The following FN1 variants were observed in gnomAD, a reference collection of about 807,000 sequenced individuals.
FN1 encodes the protein fibronectin 1, also known as fibronectin.
FN1 carries 106 observed loss-of-function variants against 297.3 expected under a neutral mutation model. That is an observed-to-expected ratio of 0.36 (90% CI 0.30 to 0.42). FN1 has a LOEUF of 0.42. Ranked by LOEUF, FN1 falls within the 10% of genes least tolerant of loss-of-function variation. The pLI is 1.00. For missense variants in FN1, 2,690 were observed against 3,124.9 expected (o/e 0.86, Z 3.32); for synonymous variants, 1,149 against 1,152.6 (o/e 1.00, Z 0.06).
chr2:215,379,502 G>A, intron 33 of FN1, 185 bp from the exon 34 acceptor site: 1 of 597,858 alleles, frequency 1.7e-6, no homozygotes, highest in Non-Finnish European at 3.0e-6. Flanking sequence ...TGTTTGCTGA[G>A]AAATGTGTTT....
At chr2:215,409,121 A>C (rs1418161841) in intron 15 of FN1, among the ~76,000 whole-genome samples, 1 of 152,114 alleles carries the variant, frequency 6.6e-6, no homozygotes, top group African/African-American at 2.4e-5. Context: ...TGGTGTGTTC[A>C]CTTTATAAGA....
intron 27 of FN1, 152 bp downstream of exon 27, chr2:215,388,060 T>G (rs1049111873): frequency 4.7e-5 from 32 of 684,508 alleles, no homozygotes; most frequent in Admixed American, 3.3e-4. Flanking sequence ...TTTTAGTTTT[T>G]GAGACCAGCG....
At chr2:215,361,858 G>GTT in intron 45 of FN1, 111 bp downstream of exon 45, 1 of 1,383,602 alleles carries the variant, frequency 7.2e-7, no homozygotes, top group Non-Finnish European at 9.9e-7. Flanking sequence ...TCATTTATGA[G>GTT]TTGTTTTTTT....
intron 13 of FN1, among the ~76,000 whole-genome samples, chr2:215,411,741 A>G (rs920804349): frequency 8.2e-5 from 12 of 146,558 alleles, no homozygotes; most frequent in African/African-American, 3.1e-4. Context: ...ATCCTGGCTC[A>G]CTGCAACCTC....
chr2:215,418,009 T>C (rs995988541), intron 12 of FN1, among the ~76,000 whole-genome samples: 2 of 152,202 alleles, frequency 1.3e-5, no homozygotes, highest in Non-Finnish European at 2.9e-5. Flanking sequence ...ATTTGCATCA[T>C]ATAAACAAAC....
chr2:215,432,544 G>T (rs1216106531), intron 3 of FN1, among the ~76,000 whole-genome samples: 1 of 152,234 alleles, frequency 6.6e-6, no homozygotes, highest in African/African-American at 2.4e-5. Context: ...TGTGAACTTG[G>T]ATAAACCCTA....
At position 215,420,750 on chromosome 2, in the gene FN1, T is replaced by C; in HGVS notation, c.1598A>G (p.Lys533Arg). ...CAGCATGTGCCCCTCTTCATGACGC[T>C]TGTGGAATGTGTCGTTCACATTGTA... is the stretch of plus-strand genomic sequence containing the variant. ...ITYNVNDTFHKRHEEGHMLNC... is the reference protein window; with the variant it reads ...ITYNVNDTFHRRHEEGHMLNC... The change falls in exon 11 of 46, where the codon AAG becomes AGG. Residue 533 changes from lysine to arginine, a missense_variant. Around this residue, in one of 3 missense-constraint regions of FN1, gnomAD observed 876 missense variants for 1,058.1 expected, o/e 0.83. Coordinates refer to ENST00000354785, the MANE Select transcript of FN1 (RefSeq NM_212482.4). 2 of 1,614,144 alleles carry C rather than the reference T, an allele frequency of 1.2e-6. No individual in the cohort carries two copies. The highest frequency in any genetic ancestry group is 8.5e-7 in the Non-Finnish European group (1 of 1,179,966).
intron 39 of FN1, 156 bp from the exon 40 acceptor site, chr2:215,372,531 CAGAA>C: frequency 1.5e-6 from 1 of 671,546 alleles, no homozygotes; most frequent in African/African-American, 1.8e-5. Context: ...ACACTTTTTC[CAGAA>C]AGAAATCTTT....
At position 215,372,004 on chromosome 2, in the gene FN1, G is replaced by C; in HGVS notation, c.6619C>G (p.Leu2207Val). Residue 2207 changes from leucine to valine, a missense_variant, in exon 40 of 46, where the codon CTC becomes GTC. This residue lies in a region of FN1 where 1,743 missense variants were observed against 1,945.2 expected (regional missense o/e 0.90). Coordinates refer to ENST00000354785, the MANE Select transcript of FN1 (RefSeq NM_212482.4). ...NPNASTGQEA[L>V]SQTTISWAPF... The stretch of plus-strand genomic sequence containing the variant: ...GCCCATGAGATGGTTGTCTGAGAGA[G>C]AGCTTCTTGTCCTGTAGAGGCATTT... The C allele has an allele frequency of 2.5e-6, 4 of 1,614,220 alleles. No individual in the cohort carries two copies. The highest frequency in any genetic ancestry group is 3.4e-6 in the Non-Finnish European group (4 of 1,180,026).
At chr2:215,370,049 C>T (rs1437184651) in intron 41 of FN1, among the ~76,000 whole-genome samples, 4 of 152,138 alleles carry the variant, frequency 2.6e-5, no homozygotes, top group Non-Finnish European at 5.9e-5. Context: ...CCTTCCAGAT[C>T]TATAATCATA....
At chr2:215,393,577 T>G (rs1224596563) in intron 24 of FN1, 1 of 152,414 alleles carries the variant, frequency 6.6e-6, no homozygotes. Flanking sequence ...GTATCAGCAA[T>G]GCTTTTAATA....
chr2:215,420,352 CAA>C (rs1289802393), intron 11 of FN1, among the ~76,000 whole-genome samples: 7 of 138,396 alleles, frequency 5.1e-5, no homozygotes, highest in South Asian at 2.3e-4. Context: ...AAAACAAAAA[CAA>C]AAACAAAAAC....
chr2:215,364,167 A>G (rs1404105594), intron 44 of FN1, among the ~76,000 whole-genome samples: 1 of 152,212 alleles, frequency 6.6e-6, no homozygotes, highest in African/African-American at 2.4e-5. Context: ...ATCTTCAACT[A>G]TATCATTAAG....
intron 7 of FN1, among the ~76,000 whole-genome samples, chr2:215,424,706 A>G (rs1324260273): frequency 6.6e-6 from 1 of 152,188 alleles, no homozygotes; most frequent in Non-Finnish European, 1.5e-5. Flanking sequence ...ATTGTGTAGC[A>G]ATTGTTATTG....
intron 13 of FN1, among the ~76,000 whole-genome samples, chr2:215,413,480 T>G (rs1248448382): frequency 6.6e-6 from 1 of 152,230 alleles, no homozygotes; most frequent in African/African-American, 2.4e-5. Context: ...AACTGCATTA[T>G]TTGCCCCTGT....
At chr2:215,379,675 G>T in intron 33 of FN1, 1 of 243,584 alleles carries the variant, frequency 4.1e-6, no homozygotes. Flanking sequence ...ATAAGCAATG[G>T]CCCTTTTTCT....
chr2:215,427,117 C>T (rs62181365), intron 6 of FN1, among the ~76,000 whole-genome samples: 35,295 of 151,916 alleles, frequency 0.23, 4,232 homozygotes, highest in Middle Eastern at 0.28. Context: ...CCTCGTGATC[C>T]GCCTGCCTCG....
chr2:215,409,469 C>T, intron 15 of FN1, 94 bp downstream of exon 15: 1 of 1,208,974 alleles, frequency 8.3e-7, no homozygotes, highest in Middle Eastern at 2.7e-4. Context: ...AGTTCCAAAC[C>T]ACAGATACCA....
At chr2:215,393,336 T>A in intron 24 of FN1, 133 bp from the exon 25 acceptor site, 1 of 802,362 alleles carries the variant, frequency 1.2e-6, no homozygotes, top group South Asian at 1.8e-5. Flanking sequence ...GATGGTAATA[T>A]GCAATCTGTT....
Sources: gnomAD v4.1 joint callset for allele counts (sites outside exome capture counted in the v4.1 genomes callset) on GRCh38, gnomAD v4.1.1 for gene constraint, gnomAD v4.1.1 regional missense constraint, MANE v1.5 for transcripts, NCBI Gene and HGNC (gene_info 2026-07-23, HGNC 2026-07-21) for gene names.